Variants in ARHGAP8 observed in about 807,000 individuals in gnomAD.
ARHGAP8 encodes the protein rho GTPase-activating protein 8.
In ARHGAP8, 62 loss-of-function variants were observed where a neutral mutation model predicts 46.1. The observed-to-expected ratio is 1.34, with a 90% CI of 1.10 to 1.66. The LOEUF (loss-of-function observed/expected upper bound fraction) is 1.66. ARHGAP8 is among the 40% of genes most tolerant of loss of function. The pLI is 0.00. For synonymous variants in ARHGAP8, 375 were observed against 243.1 expected, an observed-to-expected ratio of 1.54 and a Z score of -5.05; for missense variants, 923 against 568.4, an observed-to-expected ratio of 1.62 and a Z score of -6.34.
chr22:44,776,725 CT>C (rs2147025850), intron 1 of ARHGAP8, among the ~76,000 whole-genome samples: 1 of 152,318 alleles, frequency 6.6e-6, no homozygotes, highest in South Asian at 2.1e-4. Flanking sequence ...TGGTAATTAA[CT>C]GAAAGCCTTG....
intron 1 of ARHGAP8, among the ~76,000 whole-genome samples, chr22:44,770,446 C>G (rs556087227): frequency 4.5e-4 from 68 of 151,776 alleles, no homozygotes; most frequent in African/African-American, 1.6e-3. Context: ...CTCTGTATCA[C>G]CCAGGCTGGA....
intron 1 of ARHGAP8, among the ~76,000 whole-genome samples, chr22:44,763,025 A>G (rs1925263633): frequency 6.6e-6 from 1 of 152,130 alleles, no homozygotes; most frequent in African/African-American, 2.4e-5. Context: ...GCGGATCACC[A>G]ATGGCCAGTG....
intron 6 of ARHGAP8, among the ~76,000 whole-genome samples, chr22:44,823,948 A>G (rs754948761): frequency 3.3e-5 from 5 of 152,084 alleles, no homozygotes; most frequent in Non-Finnish European, 7.4e-5. Context: ...GAACTTACTC[A>G]GTAGGCAGCC....
intron 1 of ARHGAP8, among the ~76,000 whole-genome samples, chr22:44,781,713 CAG>C (rs1926860463): frequency 1.3e-5 from 2 of 151,972 alleles, no homozygotes; most frequent in African/African-American, 4.8e-5. Context: ...TTAGTAGAAA[CAG>C]GGATTCACCA....
intron 1 of ARHGAP8, among the ~76,000 whole-genome samples, chr22:44,756,234 T>C (rs371491446): frequency 6.6e-6 from 1 of 152,096 alleles, no homozygotes; most frequent in East Asian, 1.9e-4. Flanking sequence ...TTCCCCTACC[T>C]GGCCGTAAAA....
intron 1 of ARHGAP8, among the ~76,000 whole-genome samples, chr22:44,782,828 C>T (rs1426235376): frequency 2.0e-5 from 3 of 152,174 alleles, no homozygotes; most frequent in Non-Finnish European, 2.9e-5. Flanking sequence ...GCTCAGTCCC[C>T]GTCTCCAGCT....
chr22:44,758,661 G>A (rs1368072069), intron 1 of ARHGAP8, among the ~76,000 whole-genome samples: 2 of 151,992 alleles, frequency 1.3e-5, no homozygotes, highest in African/African-American at 4.8e-5. Context: ...TGAGGTGGCA[G>A]TGGGGGGTGT....
At chr22:44,824,904 A>C (rs756880979) in intron 6 of ARHGAP8, among the ~76,000 whole-genome samples, 67 of 151,864 alleles carry the variant, frequency 4.4e-4, no homozygotes, top group Non-Finnish European at 3.1e-4. Flanking sequence ...AAGTGTTGGG[A>C]TTACAGGCGT....
chr22:44,821,899 A>G (rs136661), intron 5 of ARHGAP8, among the ~76,000 whole-genome samples: 146,865 of 152,196 alleles, frequency 0.96, 70,900 homozygotes, highest in Admixed American at 0.97. Flanking sequence ...GGAGAGCCTC[A>G]TTGGTTCCTC....
chr22:44,832,277 A>T (rs1196552401), intron 7 of ARHGAP8, among the ~76,000 whole-genome samples: 1 of 134,228 alleles, frequency 7.5e-6, no homozygotes, highest in Non-Finnish European at 1.5e-5. Flanking sequence ...CCTAGGCTGG[A>T]GTGCAGTGGT....
Position 44,825,780 on chromosome 22 carries a change from C to A in ARHGAP8, c.596+187C>A, listed in dbSNP as rs555673047. Among the ~76,000 whole-genome samples, 23 of 144,352 alleles carry A rather than the reference C, an allele frequency of 1.6e-4. No homozygotes were observed. In the South Asian group the frequency reaches 4.2e-3, roughly 26 times the overall value. The allele number at this position is 144,352 out of a possible 152,430, so 94.7% of individuals were successfully genotyped here. The stretch of plus-strand genomic sequence containing the variant: ...GCTGCTCAGTGCCTGGTTGGGGGGG[C>A]GCGTGCTCGCTGCTCGGTGCCTGGT... On this transcript the variant is annotated intron_variant, in intron 7 of 11. Coordinates refer to ENST00000356099, the MANE Select transcript of ARHGAP8 (RefSeq NM_181335.3).
In ARHGAP8 at chr22:44,808,443, G is replaced by A. The variant is rs763123710; in HGVS notation, c.299+5G>A. 6.2e-6 allele frequency: 10 copies of A among 1,613,624 alleles called. No homozygotes were observed. The East Asian group carries it at 8.9e-5, about 14-fold the overall frequency. ...ATACAAGGAGTTCGATAGGAAGTAC[G>A]TGCCCGCAAGCCTTCAGGGACGTGG... On this transcript the variant is annotated splice_donor_5th_base_variant and intron_variant, in intron 4 of 11. Transcript: ENST00000356099.
chr22:44,792,646 C>T (rs527381063), intron 2 of ARHGAP8, among the ~76,000 whole-genome samples: 1 of 152,218 alleles, frequency 6.6e-6, no homozygotes, highest in South Asian at 2.1e-4. Flanking sequence ...TTTTCTGTCC[C>T]AGCTGCTGCT....
chr22:44,862,383 G>A lies in ARHGAP8; in HGVS notation c.1090G>A (p.Val364Met). 1 of 1,614,116 alleles carries A rather than the reference G, an allele frequency of 6.2e-7. No individual in the cohort carries two copies. The highest frequency in any genetic ancestry group is 8.5e-7 in the Non-Finnish European group (1 of 1,179,992). Residue 364 changes from valine (V) to methionine (M), a missense_variant, in exon 12 of 12, where the codon GTG becomes ATG. Coordinates refer to ENST00000356099, the MANE Select transcript of ARHGAP8 (RefSeq NM_181335.3). ...SQGVSSLSAL[V>M]PLNMFTELLI... is the part of the protein sequence containing the mutation. ...GGGGGTCTCCTCCCTGAGTGCCCTT[G>A]TGCCCCTGAACATGTTCACTGAACT...
intron 1 of ARHGAP8, among the ~76,000 whole-genome samples, chr22:44,761,405 T>C (rs1019970636): frequency 6.6e-6 from 1 of 152,236 alleles, no homozygotes; most frequent in Non-Finnish European, 1.5e-5. Context: ...TTTCTCCTTA[T>C]TCCCTAAACA....
intron 1 of ARHGAP8, among the ~76,000 whole-genome samples, chr22:44,760,860 C>T (rs189005934): frequency 1.3e-5 from 2 of 152,268 alleles, no homozygotes; most frequent in East Asian, 3.9e-4. Flanking sequence ...GCTGATGGTG[C>T]CTCTGTGTCC....
chr22:44,826,384 C>T (rs974080289), intron 7 of ARHGAP8, among the ~76,000 whole-genome samples: 4 of 152,144 alleles, frequency 2.6e-5, no homozygotes, highest in African/African-American at 9.7e-5. Context: ...ACCTTGAACT[C>T]ACCTCTTCTC....
At position 44,802,180 on chromosome 22, in the gene ARHGAP8, C is replaced by T; in HGVS notation, c.167+16C>T. 1 of 1,613,822 alleles carries T rather than the reference C, an allele frequency of 6.2e-7. No individual in the cohort carries two copies. Among genetic ancestry groups the T allele is most frequent in the Non-Finnish European group, 8.5e-7 (1 of 1,179,814 alleles). ...GGCTGCTGGAGTAAGTGTTCTGCCC[C>T]CTCTCTTTCTGTCCCTGTCTCTCCA... On this transcript the variant is annotated intron_variant, in intron 3 of 11. Transcript: ENST00000356099.
intron 7 of ARHGAP8, among the ~76,000 whole-genome samples, chr22:44,842,044 G>C (rs371983876): frequency 6.6e-6 from 1 of 152,302 alleles, no homozygotes; most frequent in South Asian, 2.1e-4. Flanking sequence ...CCCTGTGTTG[G>C]ACACTTGATT....
Sources: allele counts gnomAD v4.1 joint callset (sites outside exome capture counted in the v4.1 genomes callset), GRCh38; gene constraint gnomAD v4.1.1; transcripts MANE v1.5; gene names NCBI Gene and HGNC (gene_info 2026-07-23, HGNC 2026-07-21).